ADGRL3: variants seen among roughly 807,000 people sequenced by gnomAD.
ADGRL3 encodes the protein adhesion G protein-coupled receptor L3, also known as calcium-independent alpha-latrotoxin receptor 3.
In ADGRL3, 62 loss-of-function variants were observed where a neutral mutation model predicts 153.5. The ratio of observed to expected loss-of-function variants is 0.40; its 90% CI spans 0.33 to 0.50. The LOEUF (loss-of-function observed/expected upper bound fraction) is 0.50, where lower values mean the gene tolerates loss of function less well. Ranked by LOEUF, ADGRL3 falls within the 20% of genes least tolerant of loss-of-function variation. The pLI is 0.47. For missense variants in ADGRL3, 1,641 were observed against 1,859.4 expected (o/e 0.88, Z 2.16); for synonymous variants, 710 against 672.5 (o/e 1.06, Z -0.86).
chr4:61,225,888 A>C (rs1340959642), intron 1 of ADGRL3, among the ~76,000 whole-genome samples: 1 of 152,174 alleles, frequency 6.6e-6, no homozygotes, highest in Non-Finnish European at 1.5e-5. Context: ...CATGGTCAGC[A>C]TGAAAATCCA....
chr4:61,432,384 A>G (rs2097365669), intron 2 of ADGRL3, among the ~76,000 whole-genome samples: 1 of 152,158 alleles, frequency 6.6e-6, no homozygotes, highest in South Asian at 2.1e-4. Flanking sequence ...GAAAGACAAG[A>G]GAAGCCTGAT....
chr4:61,388,907 G>A (rs549708744), intron 2 of ADGRL3, among the ~76,000 whole-genome samples: 1 of 152,250 alleles, frequency 6.6e-6, no homozygotes, highest in Non-Finnish European at 1.5e-5. Flanking sequence ...AACTGTTTGG[G>A]AGTAGCCTCT....
chr4:62,030,707 A>G (rs781732830), intron 22 of ADGRL3, among the ~76,000 whole-genome samples: 5 of 151,514 alleles, frequency 3.3e-5, no homozygotes, highest in Admixed American at 6.6e-5. Context: ...GACACTTCAA[A>G]AAAGTTTCCC....
intron 8 of ADGRL3, among the ~76,000 whole-genome samples, chr4:61,758,130 A>T (rs1234035242): frequency 6.6e-6 from 1 of 152,176 alleles, no homozygotes; most frequent in Admixed American, 6.5e-5. Context: ...GTAGATGTCT[A>T]TTAGGTGCAG....
At chr4:61,372,037 C>T (rs1279650168) in intron 1 of ADGRL3, among the ~76,000 whole-genome samples, 4 of 152,176 alleles carry the variant, frequency 2.6e-5, no homozygotes, top group Non-Finnish European at 4.4e-5. Context: ...CCTGAGGCTT[C>T]TGCATTCTTC....
chr4:61,889,950 A>G (rs912467096), intron 9 of ADGRL3, among the ~76,000 whole-genome samples: 1 of 152,236 alleles, frequency 6.6e-6, no homozygotes, highest in Non-Finnish European at 1.5e-5. Context: ...TCATTTAGAA[A>G]GTATTCATCA....
intron 9 of ADGRL3, among the ~76,000 whole-genome samples, chr4:61,860,091 G>A (rs2098325155): frequency 6.6e-6 from 1 of 152,090 alleles, no homozygotes; most frequent in African/African-American, 2.4e-5. Context: ...TCTGCTGCAG[G>A]GCATGCTTCA....
chr4:61,867,941 A>G (rs2098413163), intron 9 of ADGRL3, among the ~76,000 whole-genome samples: 1 of 152,070 alleles, frequency 6.6e-6, no homozygotes, highest in South Asian at 2.1e-4. Context: ...AGGGCTTATA[A>G]TGGGGTTTTC....
chr4:61,517,530 G>A lies in ADGRL3; in HGVS notation c.259+12G>A, dbSNP rs1485888866. The stretch of plus-strand genomic sequence containing the variant: ...GATTGCAGCGCAAGGTGCGGCCAGC[G>A]GTGGGGAGAGAGGGCTGGGGGTGGC... On this transcript the variant is annotated intron_variant, in intron 4 of 26. Transcript: ENST00000683033. The A allele has an allele frequency of 2.8e-6, 2 of 703,008 alleles. No homozygotes were observed. Among genetic ancestry groups the A allele is most frequent in the East Asian group, 5.4e-5 (2 of 37,232 alleles). 43.5% of individuals were successfully genotyped at this position (703,008 alleles called of 1,614,324 possible). A position where few individuals can be genotyped will look rare whatever the true frequency, so the allele number is the denominator to read the frequency against.
chr4:61,678,397 A>AT (rs1011993916), intron 6 of ADGRL3, among the ~76,000 whole-genome samples: 16 of 151,954 alleles, frequency 1.1e-4, no homozygotes, highest in Admixed American at 7.2e-4. Context: ...ATTTTATCAT[A>AT]TTTTTTTAAT....
intron 5 of ADGRL3, among the ~76,000 whole-genome samples, chr4:61,610,324 T>A (rs1024722006): frequency 6.6e-6 from 1 of 152,112 alleles, no homozygotes; most frequent in Admixed American, 6.6e-5. Context: ...GCATTGTTTC[T>A]TCATCTCTGA....
rs147377039 is a variant in ADGRL3, at chr4:61,202,181, G to T, written c.-240+416G>T. 1.0e-2 allele frequency: 1,532 copies of T among 153,544 alleles called. 20 individuals carry two copies. The highest frequency in any genetic ancestry group is 0.035 in the African/African-American group (1,463 of 41,584). The allele number at this position is 153,544 out of a possible 1,614,324, so 9.5% of individuals were successfully genotyped here. A position where few individuals can be genotyped will look rare whatever the true frequency, so the allele number is the denominator to read the frequency against. On this transcript the variant is annotated intron_variant, in intron 1 of 26. Coordinates refer to ENST00000683033, the MANE Select transcript of ADGRL3 (RefSeq NM_001387552.1). This position sits in a 1 kb window ranked among gnomAD's most constrained non-coding sequence, Gnocchi z 5.0. ...AGGGCGACTTTTCTCCGTCAGGCTG[G>T]AACTGGTGCCGCTGGAGGCGGGAGC...
chr4:61,860,782 T>G (rs1357941306), intron 9 of ADGRL3, among the ~76,000 whole-genome samples: 1 of 152,172 alleles, frequency 6.6e-6, no homozygotes, highest in African/African-American at 2.4e-5. Flanking sequence ...ACTTTCTCAT[T>G]TAATGATCAT....
At chr4:61,601,729 T>TGTG (rs367898221) in intron 5 of ADGRL3, among the ~76,000 whole-genome samples, 2 of 152,320 alleles carry the variant, frequency 1.3e-5, no homozygotes, top group African/African-American at 4.8e-5. Flanking sequence ...AGCATTCAGC[T>TGTG]GTGGCCGTTC....
chr4:61,448,840 G>GAAGGAAGGGAAGGGAGGGAGGC, intron 2 of ADGRL3, among the ~76,000 whole-genome samples: 1 of 92,344 alleles, frequency 1.1e-5, no homozygotes, highest in African/African-American at 3.8e-5. Flanking sequence ...GGGAGGGAGG[G>GAAGGAAGGGAAGGGAGGGAGGC]AAGGAAGGGA....
At chr4:61,824,814 T>C (rs2148781574) in intron 9 of ADGRL3, among the ~76,000 whole-genome samples, 1 of 152,348 alleles carries the variant, frequency 6.6e-6, no homozygotes, top group Non-Finnish European at 1.5e-5. Context: ...ATGTAGAAGA[T>C]ATGTATGATA....
chr4:61,483,953 C>G (rs1225194359), intron 2 of ADGRL3, among the ~76,000 whole-genome samples: 8 of 150,770 alleles, frequency 5.3e-5, no homozygotes, highest in African/African-American at 1.7e-4. Flanking sequence ...TAAATAGGAC[C>G]TAACTTATAA....
intron 1 of ADGRL3, among the ~76,000 whole-genome samples, chr4:61,300,056 A>C (rs1298199514): frequency 6.6e-6 from 1 of 152,202 alleles, no homozygotes; most frequent in Admixed American, 6.5e-5. Context: ...CTTGTTAATA[A>C]TAAATAATTC....
At chr4:61,845,830 C>T (rs1303307924) in intron 9 of ADGRL3, among the ~76,000 whole-genome samples, 2 of 152,072 alleles carry the variant, frequency 1.3e-5, no homozygotes, top group African/African-American at 4.8e-5. Context: ...TATACTGATA[C>T]ACTTAAAATT....
Sources: gnomAD v4.1 joint callset for allele counts (sites outside exome capture counted in the v4.1 genomes callset) on GRCh38, gnomAD v4.1.1 for gene constraint, Gnocchi (gnomAD v3.1) non-coding constraint, MANE v1.5 for transcripts, NCBI Gene and HGNC (gene_info 2026-07-23, HGNC 2026-07-21) for gene names.